TRMT11: variants seen among roughly 807,000 people sequenced by gnomAD.
TRMT11 encodes tRNA (guanine(10)-N(2))-methyltransferase TRMT11.
In TRMT11, 53 loss-of-function variants were observed where a neutral mutation model predicts 62.8. That is an observed-to-expected ratio of 0.84 (90% CI 0.68 to 1.06). The LOEUF is 1.06. TRMT11 is among the 50% of genes least tolerant of loss of function. The pLI, the probability that TRMT11 is intolerant of heterozygous loss-of-function variation, is 0.00. For missense variants in TRMT11, 556 were observed against 553.4 expected (o/e 1.00, Z -0.05); for synonymous variants, 188 against 190.3 (o/e 0.99, Z 0.10).
intron 17 of TRMT11, among the ~76,000 whole-genome samples, chr6:126,058,614 C>CA (rs1776438544): frequency 6.6e-6 from 1 of 151,910 alleles, no homozygotes; most frequent in South Asian, 2.1e-4. Flanking sequence ...AAAAACCCAT[C>CA]AAAAAATCAA....
chr6:126,125,206 G>A (rs1562328390), intron 21 of TRMT11, among the ~76,000 whole-genome samples: 2 of 151,942 alleles, frequency 1.3e-5, no homozygotes, highest in South Asian at 2.1e-4. Context: ...TCTTCTTTGC[G>A]TTGATACCCT....
intron 12 of TRMT11, among the ~76,000 whole-genome samples, chr6:126,034,763 AC>A (rs1774861397): frequency 6.6e-6 from 1 of 152,100 alleles, no homozygotes; most frequent in African/African-American, 2.4e-5. Context: ...TGTTAGCGAA[AC>A]CAAAAGTCAA....
intron 17 of TRMT11, among the ~76,000 whole-genome samples, chr6:126,054,386 C>G (rs1776308934): frequency 1.3e-5 from 2 of 152,182 alleles, no homozygotes; most frequent in African/African-American, 2.4e-5. Context: ...ATAGAGCCCC[C>G]CTAGGTGCCC....
At chr6:126,260,781 G>T in the TRMT11 span, among the ~76,000 whole-genome samples, 1 of 152,166 alleles carries the variant, frequency 6.6e-6, no homozygotes, top group Non-Finnish European at 1.5e-5. Context: ...TTTCTGCTAA[G>T]AAATCTGCTA....
chr6:126,010,257 T>C (rs892484236), intron 8 of TRMT11, among the ~76,000 whole-genome samples: 4 of 152,088 alleles, frequency 2.6e-5, no homozygotes, highest in African/African-American at 7.2e-5. Context: ...TTCATACAGC[T>C]GCTCTTGGTT....
At chr6:126,262,900 C>G in the TRMT11 span, among the ~76,000 whole-genome samples, 2 of 151,976 alleles carry the variant, frequency 1.3e-5, no homozygotes, top group African/African-American at 4.8e-5. Context: ...TTTCAGCATA[C>G]TTCCTAAGTC....
chr6:126,113,203 T>C (rs1047925016), intron 18 of TRMT11, among the ~76,000 whole-genome samples: 1 of 152,072 alleles, frequency 6.6e-6, no homozygotes, highest in Admixed American at 6.6e-5. Context: ...GAAGCTGTAG[T>C]ATTTTGACTG....
chr6:126,133,942 G>A (rs1343491676), intron 21 of TRMT11, among the ~76,000 whole-genome samples: 1 of 151,768 alleles, frequency 6.6e-6, no homozygotes, highest in Non-Finnish European at 1.5e-5. Flanking sequence ...AGAATTCCTT[G>A]AGCAAACCTT....
chr6:126,134,162 A>T (rs1042959578), intron 21 of TRMT11, among the ~76,000 whole-genome samples: 1 of 151,962 alleles, frequency 6.6e-6, no homozygotes, highest in Non-Finnish European at 1.5e-5. Flanking sequence ...AAATAATAAC[A>T]TTAAATGTAA....
chr6:126,081,101 A>G (rs943035511), intron 17 of TRMT11, among the ~76,000 whole-genome samples: 1 of 152,212 alleles, frequency 6.6e-6, no homozygotes, highest in Non-Finnish European at 1.5e-5. Flanking sequence ...GTCTCTACAG[A>G]CATTGAATGG....
the TRMT11 span, among the ~76,000 whole-genome samples, chr6:126,238,460 C>T: frequency 1.3e-5 from 2 of 151,868 alleles, no homozygotes; most frequent in African/African-American, 2.4e-5. Flanking sequence ...GCCTTCATTT[C>T]GTTATGTACC....
At chr6:126,222,135 T>TTTC in the TRMT11 span, among the ~76,000 whole-genome samples, 1 of 152,196 alleles carries the variant, frequency 6.6e-6, no homozygotes, top group African/African-American at 2.4e-5. Flanking sequence ...TATAGCTTTA[T>TTTC]TTCTGGGTTC....
At chr6:126,126,730 A>G (rs1342615120) in intron 21 of TRMT11, among the ~76,000 whole-genome samples, 2 of 152,142 alleles carry the variant, frequency 1.3e-5, no homozygotes, top group Admixed American at 6.5e-5. Flanking sequence ...ACAGAACTGC[A>G]TCTCTGCAGG....
chr6:126,199,680 G>C (rs1778712681), intron 2 of TRMT11: 2 of 152,312 alleles, frequency 1.3e-5, no homozygotes, highest in South Asian at 4.1e-4. Context: ...AACTAGCAAA[G>C]GGTGGTGATG....
chr6:126,095,496 G>T (rs1006391145), intron 17 of TRMT11, among the ~76,000 whole-genome samples: 3 of 152,146 alleles, frequency 2.0e-5, no homozygotes, highest in Non-Finnish European at 4.4e-5. Context: ...CCCTTGCTTT[G>T]TTTCTTTCTT....
At chr6:126,269,865 A>AT in the TRMT11 span, among the ~76,000 whole-genome samples, 25 of 152,292 alleles carry the variant, frequency 1.6e-4, no homozygotes, top group African/African-American at 5.8e-4. Context: ...GTATCTGCTG[A>AT]TTTTTTCAGA....
At chr6:126,143,914 C>A (rs1191686431) in intron 21 of TRMT11, among the ~76,000 whole-genome samples, 1 of 152,138 alleles carries the variant, frequency 6.6e-6, no homozygotes, top group Non-Finnish European at 1.5e-5. Flanking sequence ...GAACACACTG[C>A]TTTATTCCAC....
chr6:125,987,550 A>G (rs1339166274), intron 1 of TRMT11, among the ~76,000 whole-genome samples: 1 of 152,216 alleles, frequency 6.6e-6, no homozygotes, highest in Non-Finnish European at 1.5e-5. Context: ...GTTTGACAAC[A>G]CTATGGAGGA....
chr6:126,073,362 T>A (rs966651887), intron 17 of TRMT11, among the ~76,000 whole-genome samples: 8 of 152,136 alleles, frequency 5.3e-5, no homozygotes, highest in African/African-American at 1.9e-4. Flanking sequence ...TGAACTCTTT[T>A]CTCTTGGAAA....
Sources: gnomAD v4.1 joint callset for allele counts (sites outside exome capture counted in the v4.1 genomes callset) on GRCh38, gnomAD v4.1.1 for gene constraint, MANE v1.5 for transcripts, NCBI Gene and HGNC (gene_info 2026-07-23, HGNC 2026-07-21) for gene names.